The following FCHSD2 variants were observed in gnomAD, a reference collection of about 807,000 sequenced individuals.
The protein encoded by FCHSD2 is F-BAR and double SH3 domains protein 2.
FCHSD2 carries 38 observed loss-of-function variants against 108.1 expected under a neutral mutation model. The observed-to-expected ratio is 0.35, with a 90% CI of 0.27 to 0.46. The LOEUF (loss-of-function observed/expected upper bound fraction) is 0.46. FCHSD2 is among the 20% of genes least tolerant of loss of function. FCHSD2 has a pLI of 1.00. For missense variants in FCHSD2, 751 were observed against 897.8 expected (o/e 0.84, Z 2.09); for synonymous variants, 279 against 314.7 (o/e 0.89, Z 1.20).
At chr11:73,107,410 A>G (rs1257589293) in intron 2 of FCHSD2, among the ~76,000 whole-genome samples, 4 of 152,264 alleles carry the variant, frequency 2.6e-5, no homozygotes, top group South Asian at 2.1e-4. Flanking sequence ...AGGACATGAG[A>G]TATTTTGATA....
At chr11:72,990,277 C>G (rs1396877782) in intron 5 of FCHSD2, among the ~76,000 whole-genome samples, 1 of 152,144 alleles carries the variant, frequency 6.6e-6, no homozygotes, top group Non-Finnish European at 1.5e-5. Flanking sequence ...GACACAATGT[C>G]AGCTGTGTTA....
chr11:73,023,643 A>T (rs994553070), intron 3 of FCHSD2, among the ~76,000 whole-genome samples: 4 of 152,154 alleles, frequency 2.6e-5, no homozygotes, highest in Non-Finnish European at 5.9e-5. Flanking sequence ...ATGAACAGAG[A>T]CTTCCACAAT....
At chr11:72,998,820 C>T (rs1166071879) in intron 5 of FCHSD2, among the ~76,000 whole-genome samples, 1 of 152,134 alleles carries the variant, frequency 6.6e-6, no homozygotes, top group Non-Finnish European at 1.5e-5. Context: ...AAAAGGATAA[C>T]AGATGTTGGC....
intron 9 of FCHSD2, among the ~76,000 whole-genome samples, chr11:72,904,779 A>G (rs1458304115): frequency 6.6e-6 from 1 of 152,160 alleles, no homozygotes; most frequent in Non-Finnish European, 1.5e-5. Flanking sequence ...TTCTTTTCAT[A>G]TACTAGTTTC....
chr11:73,127,501 G>C (rs1860886135), intron 2 of FCHSD2, among the ~76,000 whole-genome samples: 1 of 152,162 alleles, frequency 6.6e-6, no homozygotes, highest in African/African-American at 2.4e-5. Flanking sequence ...ACACGAGCCA[G>C]ACTTACAAAA....
At chr11:72,955,606 T>C (rs778042530) in intron 8 of FCHSD2, among the ~76,000 whole-genome samples, 1 of 152,152 alleles carries the variant, frequency 6.6e-6, no homozygotes, top group Non-Finnish European at 1.5e-5. Context: ...CCTGACGCTA[T>C]TCAGGAGCCC....
intron 3 of FCHSD2, among the ~76,000 whole-genome samples, chr11:73,019,011 G>A (rs1479408560): frequency 6.6e-6 from 1 of 152,116 alleles, no homozygotes; most frequent in Non-Finnish European, 1.5e-5. Flanking sequence ...TAATATGCCA[G>A]GCAACATATG....
At chr11:73,062,399 T>C (rs1859189236) in intron 3 of FCHSD2, among the ~76,000 whole-genome samples, 1 of 152,036 alleles carries the variant, frequency 6.6e-6, no homozygotes, top group Admixed American at 6.6e-5. Context: ...GGATCACAAT[T>C]CCTCACCAGC....
chr11:72,865,654 C>T (rs1397888916), intron 13 of FCHSD2, among the ~76,000 whole-genome samples: 3 of 152,100 alleles, frequency 2.0e-5, no homozygotes, highest in Non-Finnish European at 4.4e-5. Context: ...AATGACATAT[C>T]CTCCATGGGG....
At chr11:72,913,397 C>G (rs1855803665) in intron 9 of FCHSD2, among the ~76,000 whole-genome samples, 1 of 152,116 alleles carries the variant, frequency 6.6e-6, no homozygotes, top group Admixed American at 6.5e-5. Flanking sequence ...GCCTCCCGAG[C>G]AGCTGGGATT....
chr11:73,022,789 T>C (rs2135441235), intron 3 of FCHSD2, among the ~76,000 whole-genome samples: 1 of 152,186 alleles, frequency 6.6e-6, no homozygotes, highest in South Asian at 2.1e-4. Flanking sequence ...GACTTCAAGG[T>C]ATACCTTGAA....
At chr11:73,019,927 T>A (rs1010404647) in intron 3 of FCHSD2, among the ~76,000 whole-genome samples, 28 of 152,276 alleles carry the variant, frequency 1.8e-4, no homozygotes, top group African/African-American at 4.8e-4. Flanking sequence ...TTTAAAAAAA[T>A]TTTTTTCAAA....
intron 3 of FCHSD2, among the ~76,000 whole-genome samples, chr11:73,060,990 A>T (rs1859146339): frequency 6.6e-6 from 1 of 152,238 alleles, no homozygotes; most frequent in South Asian, 2.1e-4. Context: ...TGATAAATAG[A>T]AGCAAAAGAA....
chr11:73,003,855 C>A (rs1282255080), intron 4 of FCHSD2, among the ~76,000 whole-genome samples: 5 of 151,292 alleles, frequency 3.3e-5, no homozygotes, highest in African/African-American at 1.2e-4. Flanking sequence ...GCCTGTAATC[C>A]CAGCACTCTG....
chr11:72,892,986 C>A (rs1228748060), intron 10 of FCHSD2, among the ~76,000 whole-genome samples: 1 of 151,336 alleles, frequency 6.6e-6, no homozygotes, highest in Non-Finnish European at 1.5e-5. Flanking sequence ...TTTTAAAATG[C>A]TGGCAAATTT....
chr11:72,991,413 A>G (rs1475217244), intron 5 of FCHSD2, among the ~76,000 whole-genome samples: 1 of 152,230 alleles, frequency 6.6e-6, no homozygotes, highest in Admixed American at 6.5e-5. Context: ...CAACAAAAAA[A>G]GAGAATTTTA....
intron 3 of FCHSD2, among the ~76,000 whole-genome samples, chr11:73,029,234 G>A (rs184017080): frequency 3.3e-5 from 5 of 152,240 alleles, no homozygotes; most frequent in Admixed American, 6.5e-5. Flanking sequence ...CAAAAGATAC[G>A]GAAACCACTT....
chr11:73,117,080 G>A (rs921734924), intron 2 of FCHSD2, among the ~76,000 whole-genome samples: 56 of 151,994 alleles, frequency 3.7e-4, no homozygotes, highest in African/African-American at 1.3e-3. Flanking sequence ...TTGATTATAC[G>A]TATTTTTGTT....
chr11:72,846,160 T>G (rs1861135064), intron 14 of FCHSD2, among the ~76,000 whole-genome samples: 1 of 151,390 alleles, frequency 6.6e-6, no homozygotes, highest in Non-Finnish European at 1.5e-5. Flanking sequence ...TCATGATGAG[T>G]AAGCTGCTCC....
Sources: gnomAD v4.1 joint callset for allele counts (sites outside exome capture counted in the v4.1 genomes callset) on GRCh38, gnomAD v4.1.1 for gene constraint, MANE v1.5 for transcripts, NCBI Gene and HGNC (gene_info 2026-07-23, HGNC 2026-07-21) for gene names.